Variants in MID1 observed in about 807,000 individuals in gnomAD.
MID1 encodes the protein E3 ubiquitin-protein ligase Midline-1.
MID1 carries 7 observed loss-of-function variants against 40.4 expected under a neutral mutation model. The ratio of observed to expected loss-of-function variants is 0.17; its 90% CI spans 0.10 to 0.33. MID1 has a LOEUF of 0.33. MID1 is among the 10% of genes least tolerant of loss of function. The pLI is 1.00. For synonymous variants in MID1, 229 were observed against 221.2 expected (o/e 1.04, Z -0.31); for missense variants, 367 against 558.5 (o/e 0.66, Z 3.46).
intron 1 of MID1, among the ~76,000 whole-genome samples, chrX:10,580,473 T>C (rs185620451): frequency 9.0e-6 from 1 of 111,495 alleles, no homozygotes; most frequent in Admixed American, 9.5e-5. Flanking sequence ...AGCAACTAAG[T>C]GGCTAACATT....
At chrX:10,578,377 T>C (rs1377733379) in intron 1 of MID1, among the ~76,000 whole-genome samples, 2 of 112,289 alleles carry the variant, frequency 1.8e-5, no homozygotes, top group East Asian at 2.8e-4. Context: ...AACTTTTCCC[T>C]ATTTTGGCAC....
chrX:10,598,790 T>A (rs1045397990), intron 1 of MID1, among the ~76,000 whole-genome samples: 7 of 111,771 alleles, frequency 6.3e-5, no homozygotes, highest in Admixed American at 4.7e-4. Flanking sequence ...GGCCTCCAGA[T>A]AAGAGCTTCG....
chrX:10,445,976 T>C lies in MID1; in HGVS notation c.*3392A>G, dbSNP rs1408331490. The C allele has an allele frequency of 9.0e-6, 1 of 111,290 alleles. No individual in the cohort carries two copies. The highest frequency in any genetic ancestry group is 1.9e-5 in the Non-Finnish European group (1 of 53,096). 9.2% of individuals were successfully genotyped at this position (111,290 alleles called of 1,213,427 possible). On this transcript the variant is annotated 3_prime_UTR_variant, in exon 10 of 10. Coordinates refer to ENST00000317552, the MANE Select transcript of MID1 (RefSeq NM_000381.4). ...CGATCAAGTTTCTACACTGCAGCAC[T>C]GTTGATATTTGAGCAAGACAACTCT...
intron 8 of MID1, 83 bp from the exon 9 acceptor site, chrX:10,455,160 C>A: frequency 1.1e-6 from 1 of 906,478 alleles, no homozygotes; most frequent in South Asian, 2.1e-5. Context: ...TTTTCAAAAT[C>A]AGGTTTAAAA....
At chrX:10,754,172 C>T (rs1469656426) in intron 1 of MID1, among the ~76,000 whole-genome samples, 1 of 111,777 alleles carries the variant, frequency 8.9e-6, no homozygotes, top group East Asian at 2.8e-4. Context: ...GTTATGAGGG[C>T]AAATAAAATA....
At position 10,553,259 on chromosome X, in the gene MID1, AG is replaced by A. The variant is rs1208917743; in HGVS notation, c.660+13628del. Among the ~76,000 whole-genome samples, 5 of 100,778 alleles carry A rather than the reference AG, an allele frequency of 5.0e-5. No individual in the cohort carries two copies. In the East Asian group the frequency reaches 1.4e-3, roughly 29 times the overall value. 87.5% of individuals were successfully genotyped at this position (100,778 alleles called of 115,157 possible). ...CGAGACTCTATCTAAAAAAAAAAAAAGAAATAAAAAAAATATATATATATAT... is the reference window on the plus strand; with the variant it reads ...CGAGACTCTATCTAAAAAAAAAAAAAAAATAAAAAAAATATATATATATAT... On this transcript the variant is annotated intron_variant, in intron 2 of 9. Coordinates refer to ENST00000317552, the MANE Select transcript of MID1 (RefSeq NM_000381.4).
chrX:10,661,730 A>C (rs771362299), intron 1 of MID1, among the ~76,000 whole-genome samples: 2 of 112,265 alleles, frequency 1.8e-5, no homozygotes, highest in South Asian at 7.5e-4. Context: ...AGAGCTTAGA[A>C]TATTACTATT....
chrX:10,582,614 C>A lies in MID1; in HGVS notation c.-56-15011G>T, dbSNP rs371922831. On this transcript the variant is annotated intron_variant, in intron 1 of 9. Transcript: ENST00000317552. ...CAAGAAAGTGATAAGAACTTCCTTA[C>A]CAACGGCTCCAAGCTCCTTATCCAA... Among the ~76,000 whole-genome samples, 4 of 111,944 alleles carry A rather than the reference C, an allele frequency of 3.6e-5. No homozygotes were observed. In the South Asian group the frequency reaches 1.5e-3, roughly 42 times the overall value.
chrX:10,471,459 G>C (rs1414414813), intron 6 of MID1, among the ~76,000 whole-genome samples: 1 of 112,065 alleles, frequency 8.9e-6, no homozygotes, highest in African/African-American at 3.2e-5. Context: ...CAACGTGACA[G>C]GCATGGCATT....
At chrX:10,601,935 C>T (rs1463188265) in intron 1 of MID1, among the ~76,000 whole-genome samples, 1 of 104,384 alleles carries the variant, frequency 9.6e-6, no homozygotes, top group Non-Finnish European at 2.0e-5. Context: ...CTCGCTCTGT[C>T]GCCCAGGCTG....
intron 5 of MID1, among the ~76,000 whole-genome samples, chrX:10,479,413 T>C (rs1172779235): frequency 9.0e-6 from 1 of 111,434 alleles, no homozygotes; most frequent in Non-Finnish European, 1.9e-5. Context: ...AGTCACCCTA[T>C]TGTGCTACCA....
chrX:10,792,489 A>G (rs2043939243), intron 1 of MID1, among the ~76,000 whole-genome samples: 1 of 112,587 alleles, frequency 8.9e-6, no homozygotes, highest in African/African-American at 3.2e-5. Flanking sequence ...AAAATAACAC[A>G]TATTGGTAGA....
At chrX:10,605,116 A>C (rs754560689) in intron 1 of MID1, among the ~76,000 whole-genome samples, 1 of 112,572 alleles carries the variant, frequency 8.9e-6, no homozygotes, top group South Asian at 3.6e-4. Flanking sequence ...TATTGGAAGA[A>C]AGGCAAAGAT....
intron 1 of MID1, among the ~76,000 whole-genome samples, chrX:10,589,211 C>G (rs1393171688): frequency 2.7e-5 from 3 of 111,931 alleles, no homozygotes; most frequent in African/African-American, 9.8e-5. Flanking sequence ...AAGTATCAAG[C>G]AATCCAAGTC....
At chrX:10,674,443 C>G (rs912657723) in intron 1 of MID1, among the ~76,000 whole-genome samples, 3 of 112,211 alleles carry the variant, frequency 2.7e-5, no homozygotes, top group African/African-American at 9.7e-5. Flanking sequence ...TAGCTTTCAT[C>G]TCTAACAGCA....
chrX:10,686,294 A>G (rs1231765596), intron 1 of MID1, among the ~76,000 whole-genome samples: 2 of 110,894 alleles, frequency 1.8e-5, no homozygotes, highest in East Asian at 2.9e-4. Context: ...TTCGGGGTCA[A>G]TGGATTAGGT....
At chrX:10,487,982 CTT>C (rs953085669) in intron 4 of MID1, among the ~76,000 whole-genome samples, 6 of 87,885 alleles carry the variant, frequency 6.8e-5, no homozygotes, top group Admixed American at 1.3e-4. Flanking sequence ...ACCTACAAGT[CTT>C]TTTTTTTTTT....
intron 1 of MID1, among the ~76,000 whole-genome samples, chrX:10,656,339 T>C (rs2042872074): frequency 9.0e-6 from 1 of 111,503 alleles, no homozygotes; most frequent in Admixed American, 9.5e-5. Context: ...AAAAGAACCT[T>C]CTCCTCCCTC....
chrX:10,489,535 T>G lies in MID1; in HGVS notation c.864+6049A>C, dbSNP rs138024447. On this transcript the variant is annotated intron_variant, in intron 4 of 9. Transcript: ENST00000317552. ...CTTTGCATCTTTGTTGAAAATCACT[T>G]GTCCATATATGTATGAATCTACTTC... 7.4e-3 allele frequency among the ~76,000 whole-genome samples: 825 copies of G among 112,051 alleles called. 8 individuals are homozygous for G. Among genetic ancestry groups the G allele is most frequent in the African/African-American group, 0.025 (756 of 30,851 alleles).
Sources: gnomAD v4.1 joint callset for allele counts (sites outside exome capture counted in the v4.1 genomes callset) on GRCh38, gnomAD v4.1.1 for gene constraint, MANE v1.5 for transcripts, NCBI Gene and HGNC (gene_info 2026-07-23, HGNC 2026-07-21) for gene names.